Variants in KNDC1 observed in about 807,000 individuals in gnomAD.
KNDC1 encodes kinase non-catalytic C-lobe domain containing 1.
In KNDC1, 106 loss-of-function variants were observed where a neutral mutation model predicts 172.8. The observed-to-expected ratio is 0.61, with a 90% CI of 0.52 to 0.72. The LOEUF is 0.72. Ranked by LOEUF, KNDC1 falls within the 30% of genes least tolerant of loss-of-function variation. The probability of loss-of-function intolerance (pLI) is 0.00; values close to 1 mark genes in which losing one functional copy is unlikely to be tolerated. For missense variants in KNDC1, 2,325 were observed against 2,394.5 expected, an observed-to-expected ratio of 0.97 and a Z score of 0.61; for synonymous variants, 1,083 against 1,062.2, an observed-to-expected ratio of 1.02 and a Z score of -0.38.
At chr10:133,170,488 T>C (rs538457996) in intron 3 of KNDC1, among the ~76,000 whole-genome samples, 10 of 152,304 alleles carry the variant, frequency 6.6e-5, no homozygotes, top group Non-Finnish European at 1.0e-4. Flanking sequence ...TCATAGGGGA[T>C]GTGGGTGAGG....
Position 133,183,370 on chromosome 10 carries a change from G to A in KNDC1, c.387G>A (p.Thr129=), listed in dbSNP as rs769884175. The change falls in exon 4 of 30, where the codon ACG becomes ACA. Residue 129 remains threonine (T), a synonymous_variant. Coordinates refer to ENST00000304613, the MANE Select transcript of KNDC1 (RefSeq NM_152643.8). ...FEAHIYSLGA[T]LKAALEYVAE... The stretch of plus-strand genomic sequence containing the variant: ...CGCACATCTACTCTCTGGGGGCCAC[G>A]CTGAAGGCCGCCCTCGAGTACGTGG... The A allele has an allele frequency of 7.5e-6, 12 of 1,596,002 alleles. No homozygotes were observed. In the Admixed American group the frequency reaches 8.7e-5, roughly 12 times the overall value.
intron 17 of KNDC1, among the ~76,000 whole-genome samples, chr10:133,202,919 C>T (rs893727457): frequency 2.0e-5 from 3 of 152,136 alleles, no homozygotes; most frequent in South Asian, 4.1e-4. Flanking sequence ...GAGAAAAGGG[C>T]GGCCGGCACA....
chr10:133,199,578 A>G lies in KNDC1; in HGVS notation c.2879A>G (p.Asn960Ser), dbSNP rs768705866. 2.5e-6 allele frequency: 4 copies of G among 1,613,520 alleles called. No individual in the cohort carries two copies. Among genetic ancestry groups the G allele is most frequent in the African/African-American group, 1.3e-5 (1 of 74,946 alleles). The change falls in exon 15 of 30, where the codon AAC (asparagine) becomes AGC (serine). Residue 960 changes from asparagine to serine, a missense_variant. Asn to Ser is a conservative substitution (Grantham distance 46). Transcript: ENST00000304613. ...KLLQNLFKVV[N>S]GQASPSPSTA... ...CTGCAGAACCTCTTTAAGGTGGTCA[A>G]CGGGCAGGCGTCACCCTCCCCAAGG...
At chr10:133,221,877 A>C (rs12358065) in intron 29 of KNDC1, among the ~76,000 whole-genome samples, 1,386 of 42,672 alleles carry the variant, frequency 0.032, 248 homozygotes, top group African/African-American at 0.086. Context: ...CTAGGTGGGC[A>C]GGGCTGGGTG....
At chr10:133,178,407 C>T (rs766848303) in intron 3 of KNDC1, among the ~76,000 whole-genome samples, 5 of 152,078 alleles carry the variant, frequency 3.3e-5, no homozygotes, top group South Asian at 2.1e-4. Context: ...ACAGCATATG[C>T]GAAGCTACAT....
At chr10:133,193,054 T>C (rs112963912) in intron 9 of KNDC1, among the ~76,000 whole-genome samples, 8,691 of 150,428 alleles carry the variant, frequency 0.058, 780 homozygotes, top group African/African-American at 0.2. Context: ...AAAATAAAAA[T>C]AAAAAACAAA....
chr10:133,202,725 C>T (rs566194263), intron 17 of KNDC1: 15 of 454,018 alleles, frequency 3.3e-5, no homozygotes, highest in Admixed American at 3.1e-4. Flanking sequence ...GAACATGACC[C>T]GGTGTCCCTT....
intron 21 of KNDC1, 22 bp downstream of exon 21, chr10:133,210,746 C>T (rs1317026293): frequency 1.6e-5 from 25 of 1,567,464 alleles, no homozygotes; most frequent in Non-Finnish European, 1.8e-5. Flanking sequence ...CACAGCTCCA[C>T]GCCCGCCAGA....
chr10:133,195,299 G>A (rs1487968659), intron 9 of KNDC1, among the ~76,000 whole-genome samples: 5 of 152,192 alleles, frequency 3.3e-5, no homozygotes, highest in African/African-American at 7.2e-5. Context: ...GGCACCAGTC[G>A]GGGGGCTCCC....
chr10:133,183,203 A>G (rs1023933887), intron 3 of KNDC1, 141 bp from the exon 4 acceptor site: 25 of 1,037,444 alleles, frequency 2.4e-5, no homozygotes, highest in South Asian at 6.7e-5. Flanking sequence ...GGGTGTGGGC[A>G]GCGTGGGCAC....
chr10:133,165,874 G>A (rs948616558), intron 1 of KNDC1, among the ~76,000 whole-genome samples: 2 of 152,076 alleles, frequency 1.3e-5, no homozygotes, highest in Non-Finnish European at 2.9e-5. Context: ...AATGGGGCAG[G>A]GAGATTCCCG....
intron 16 of KNDC1, among the ~76,000 whole-genome samples, 190 bp downstream of exon 16, chr10:133,200,650 C>T (rs1202469835): frequency 2.6e-5 from 4 of 152,006 alleles, no homozygotes; most frequent in Admixed American, 6.5e-5. Context: ...GCCGCCCTCT[C>T]CTGGGGGTGC....
intron 17 of KNDC1, 89 bp downstream of exon 17, chr10:133,201,987 GT>G: frequency 7.2e-7 from 1 of 1,392,842 alleles, no homozygotes. Flanking sequence ...AGATGGCACC[GT>G]GTGCCCAGAG....
At chr10:133,187,337 G>C (rs1402062382) in intron 6 of KNDC1, among the ~76,000 whole-genome samples, 1 of 152,240 alleles carries the variant, frequency 6.6e-6, no homozygotes, top group Non-Finnish European at 1.5e-5. Context: ...CGGCCCCTCT[G>C]TCCAGCCGAA....
At chr10:133,211,241 C>T (rs1239848166) in intron 21 of KNDC1, among the ~76,000 whole-genome samples, 181 bp from the exon 22 acceptor site, 1 of 151,302 alleles carries the variant, frequency 6.6e-6, no homozygotes, top group Admixed American at 6.6e-5. Context: ...TGGGCACCTC[C>T]CTGGCACCTC....
chr10:133,187,834 T>G (rs1311169642), intron 6 of KNDC1, among the ~76,000 whole-genome samples: 2 of 152,000 alleles, frequency 1.3e-5, no homozygotes, highest in African/African-American at 4.8e-5. Context: ...TTGGGTGTGT[T>G]CACGCTGTTG....
intron 1 of KNDC1, among the ~76,000 whole-genome samples, chr10:133,166,151 G>A (rs1199213713): frequency 6.6e-6 from 1 of 152,204 alleles, no homozygotes; most frequent in Non-Finnish European, 1.5e-5. Flanking sequence ...GGCAGGAGGT[G>A]CCTCTCAGGA....
intron 26 of KNDC1, among the ~76,000 whole-genome samples, chr10:133,215,158 G>A (rs556346760): frequency 6.6e-5 from 10 of 152,168 alleles, no homozygotes; most frequent in African/African-American, 1.4e-4. Context: ...CTCCTGGGCC[G>A]GAGCTCTCTG....
At chr10:133,221,380 G>A (rs1425926599) in intron 29 of KNDC1, among the ~76,000 whole-genome samples, 8 of 151,564 alleles carry the variant, frequency 5.3e-5, no homozygotes, top group African/African-American at 1.9e-4. Context: ...CACACCCCAG[G>A]CCACACAGGC....
Sources: allele counts gnomAD v4.1 joint callset (sites outside exome capture counted in the v4.1 genomes callset), GRCh38; gene constraint gnomAD v4.1.1; transcripts MANE v1.5; gene names NCBI Gene and HGNC (gene_info 2026-07-23, HGNC 2026-07-21).